The following ALOX5AP variants were observed in gnomAD, a reference collection of about 807,000 sequenced individuals.
ALOX5AP encodes arachidonate 5-lipoxygenase-activating protein.
ALOX5AP carries 9 observed loss-of-function variants against 18.5 expected under a neutral mutation model. The ratio of observed to expected loss-of-function variants is 0.49; its 90% CI spans 0.29 to 0.85. The LOEUF is 0.85. Ranked by LOEUF, ALOX5AP falls within the 40% of genes least tolerant of loss-of-function variation. The pLI is 0.08. For missense variants in ALOX5AP, 172 were observed against 202.5 expected (o/e 0.85, Z 0.91); for synonymous variants, 81 against 78.6 (o/e 1.03, Z -0.16).
chr13:30,740,596 G>A (rs1354040698), intron 1 of ALOX5AP, among the ~76,000 whole-genome samples: 2 of 152,190 alleles, frequency 1.3e-5, no homozygotes, highest in Non-Finnish European at 2.9e-5. Flanking sequence ...GTGAGGGGGC[G>A]GTGAGGAGTA....
At chr13:30,754,746 C>T (rs1951879074) in intron 3 of ALOX5AP, among the ~76,000 whole-genome samples, 1 of 152,198 alleles carries the variant, frequency 6.6e-6, no homozygotes, top group Non-Finnish European at 1.5e-5. Flanking sequence ...TTTGAACACC[C>T]CTATGTGCCA....
At chr13:30,745,483 C>T (rs763252335) in intron 2 of ALOX5AP, among the ~76,000 whole-genome samples, 11 of 152,206 alleles carry the variant, frequency 7.2e-5, no homozygotes, top group East Asian at 1.9e-4. Context: ...CATGCTCCCA[C>T]GTGCTCTGGG....
chr13:30,735,360 C>T (rs1257373361), upstream of ALOX5AP: 12 of 712,582 alleles, frequency 1.7e-5, no homozygotes, highest in Middle Eastern at 4.3e-4. Flanking sequence ...GCTGGCTTTG[C>T]GTGCTCCTCT....
chr13:30,756,059 C>G (rs199890484), intron 4 of ALOX5AP, 34 bp downstream of exon 4: 15 of 1,586,914 alleles, frequency 9.5e-6, no homozygotes, highest in Admixed American at 1.7e-5. Flanking sequence ...AACTGTGGAG[C>G]GATTCCTGAT....
intron 1 of ALOX5AP, among the ~76,000 whole-genome samples, chr13:30,730,139 T>A (rs1015130213): frequency 2.6e-5 from 4 of 152,238 alleles, no homozygotes; most frequent in Admixed American, 2.6e-4. Flanking sequence ...GTCATATCTG[T>A]AAAGCACTCT....
At chr13:30,720,357 T>A (rs1026122095) in intron 1 of ALOX5AP, among the ~76,000 whole-genome samples, 2 of 152,246 alleles carry the variant, frequency 1.3e-5, no homozygotes, top group Non-Finnish European at 2.9e-5. Flanking sequence ...TGTGAGAACA[T>A]CTGTTTTTCT....
chr13:30,756,045 A>G lies in ALOX5AP; in HGVS notation c.323+20A>G, dbSNP rs764364129. 6.8e-6 allele frequency: 11 copies of G among 1,609,438 alleles called. 1 individual carries two copies. The African/African-American group carries it at 1.3e-4, about 20-fold the overall frequency. On this transcript the variant is annotated intron_variant, in intron 4 of 4. Transcript: ENST00000380490. ...GCAGAGGTAGGTAACTGGGACTACT[A>G]AAGAACTGTGGAGCGATTCCTGATT...
intron 1 of ALOX5AP, among the ~76,000 whole-genome samples, chr13:30,729,342 C>G (rs927269879): frequency 5.9e-5 from 9 of 152,102 alleles, no homozygotes; most frequent in Non-Finnish European, 1.0e-4. Context: ...GGTTCATTTT[C>G]TTTTCCATAA....
chr13:30,735,731 T>C, intron 1 of ALOX5AP, 56 bp downstream of exon 1: 1 of 1,596,594 alleles, frequency 6.3e-7, no homozygotes. Flanking sequence ...CTTTGATGGT[T>C]GTTTGGAAGT....
upstream of ALOX5AP, among the ~76,000 whole-genome samples, chr13:30,732,417 C>A (rs1182224847): frequency 2.0e-5 from 3 of 152,206 alleles, no homozygotes; most frequent in Admixed American, 6.5e-5. Context: ...AGAGAAACTT[C>A]TTTAAAAACT....
chr13:30,763,884 G>T, intron 4 of ALOX5AP, 60 bp from the exon 5 acceptor site: 1 of 1,491,036 alleles, frequency 6.7e-7, no homozygotes, highest in Admixed American at 1.9e-5. Flanking sequence ...ACATTTTTGT[G>T]TGTGTGAAAT....
intron 1 of ALOX5AP, among the ~76,000 whole-genome samples, chr13:30,720,102 C>T (rs1456113854): frequency 2.6e-5 from 4 of 152,166 alleles, no homozygotes; most frequent in Admixed American, 1.3e-4. Context: ...CCTCATGATC[C>T]GCCCACCTCG....
intron 2 of ALOX5AP, among the ~76,000 whole-genome samples, chr13:30,748,432 G>A (rs909469214): frequency 2.6e-5 from 4 of 152,230 alleles, no homozygotes; most frequent in African/African-American, 7.2e-5. Flanking sequence ...ATATAGCAAC[G>A]AATTCTTTTC....
At chr13:30,753,749 G>A (rs1196466359) in intron 3 of ALOX5AP, among the ~76,000 whole-genome samples, 1 of 152,212 alleles carries the variant, frequency 6.6e-6, no homozygotes, top group African/African-American at 2.4e-5. Context: ...CTTCCCTGCA[G>A]GAGGCACTCA....
chr13:30,741,166 T>A lies in ALOX5AP; in HGVS notation c.71-2894T>A, dbSNP rs368030326. 1.0e-4 allele frequency among the ~76,000 whole-genome samples: 13 copies of A among 124,930 alleles called. No homozygotes were observed. In the East Asian group the frequency reaches 3.3e-3, roughly 32 times the overall value. The allele number at this position is 124,930 out of a possible 152,430, so 82.0% of individuals were successfully genotyped here. A position where few individuals can be genotyped will look rare whatever the true frequency, so the allele number is the denominator to read the frequency against. On this transcript the variant is annotated intron_variant, in intron 1 of 4. Coordinates refer to ENST00000380490, the MANE Select transcript of ALOX5AP (RefSeq NM_001629.4). ...GAGATGGAGTCTTGCTCTGTCGCCCTGGCTGGAGTACAGTGGCTCGATCTT... is the reference window on the plus strand; with the variant it reads ...GAGATGGAGTCTTGCTCTGTCGCCCAGGCTGGAGTACAGTGGCTCGATCTT...
intron 2 of ALOX5AP, among the ~76,000 whole-genome samples, chr13:30,748,802 C>T (rs4387455): frequency 0.96 from 145,762 of 152,316 alleles, 69,912 homozygotes; most frequent in East Asian, 1. Context: ...GATGAGCAAA[C>T]TGAGGCTCAT....
intron 1 of ALOX5AP, among the ~76,000 whole-genome samples, chr13:30,729,210 TCTTC>T (rs1951661230): frequency 6.6e-6 from 1 of 152,214 alleles, no homozygotes; most frequent in Non-Finnish European, 1.5e-5. Context: ...AAATTTGCCT[TCTTC>T]ATGGTCACAA....
At chr13:30,733,225 G>A (rs891228365), upstream of ALOX5AP, among the ~76,000 whole-genome samples, 21 of 151,588 alleles carry the variant, frequency 1.4e-4, no homozygotes, top group Admixed American at 1.4e-3. Context: ...TAGCTCCAAG[G>A]CCTAACCACA....
Position 30,741,103 on chromosome 13 carries a change from C to CTTTTTTTTTTTTTTTT in ALOX5AP, c.71-2937_71-2922dup, listed in dbSNP as rs59980433. ...TTAACCTACACACATCCTCCATATC[C>CTTTTTTTTTTTTTTTT]TTTTTTTTTTTTTTTTTTTTTTTTT... On this transcript the variant is annotated intron_variant, in intron 1 of 4. Coordinates refer to ENST00000380490, the MANE Select transcript of ALOX5AP (RefSeq NM_001629.4). Among the ~76,000 whole-genome samples, 14 of 64,008 alleles carry CTTTTTTTTTTTTTTTT rather than the reference C, an allele frequency of 2.2e-4. 3 individuals are homozygous for CTTTTTTTTTTTTTTTT. Among genetic ancestry groups the CTTTTTTTTTTTTTTTT allele is most frequent in the African/African-American group, 3.2e-4 (5 of 15,460 alleles). The allele number at this position is 64,008 out of a possible 152,430, so 42.0% of individuals were successfully genotyped here.
Sources: allele counts gnomAD v4.1 joint callset (sites outside exome capture counted in the v4.1 genomes callset), GRCh38; gene constraint gnomAD v4.1.1; transcripts MANE v1.5; gene names NCBI Gene and HGNC (gene_info 2026-07-23, HGNC 2026-07-21).